Variants in WASF2 observed in about 807,000 individuals in gnomAD.
WASF2 encodes WASP family member 2.
A neutral mutation model predicts 45.0 loss-of-function variants in WASF2; 14 were observed. The ratio of observed to expected loss-of-function variants is 0.31; its 90% CI spans 0.21 to 0.49. The LOEUF is 0.49. WASF2 is among the 20% of genes least tolerant of loss of function. The pLI, the probability that WASF2 is intolerant of heterozygous loss-of-function variation, is 0.99. For synonymous variants in WASF2, 200 were observed against 236.3 expected (o/e 0.85, Z 1.41); for missense variants, 439 against 636.1 (o/e 0.69, Z 3.33).
At chr1:27,487,873 T>G (rs2017968864) in intron 1 of WASF2, among the ~76,000 whole-genome samples, 1 of 148,968 alleles carries the variant, frequency 6.7e-6, no homozygotes, top group African/African-American at 2.5e-5. Flanking sequence ...AATAATTTAC[T>G]CAATAAAATG....
chr1:27,421,844 C>T lies in WASF2; in HGVS notation c.131-2756G>A, dbSNP rs184006021. ...AAAAAAAATTAGCTGGGCGTGGTGG[C>T]GGACACCTGTAATCCCAGCTACTCA... On this transcript the variant is annotated intron_variant, in intron 2 of 8. Transcript: ENST00000618852. Among the ~76,000 whole-genome samples the T allele has an allele frequency of 5.2e-3, 795 of 151,748 alleles. 3 individuals carry two copies. Among genetic ancestry groups the T allele is most frequent in the Admixed American group, 0.013 (202 of 15,230 alleles).
At chr1:27,444,446 GTAGGTA>G (rs1482378297) in intron 1 of WASF2, among the ~76,000 whole-genome samples, 1 of 152,226 alleles carries the variant, frequency 6.6e-6, no homozygotes, top group Admixed American at 6.5e-5. Flanking sequence ...CCAGCACCCA[GTAGGTA>G]TTCAGTAACT....
chr1:27,484,536 G>A (rs957176325), intron 1 of WASF2, among the ~76,000 whole-genome samples: 10 of 152,146 alleles, frequency 6.6e-5, no homozygotes, highest in East Asian at 1.9e-4. Flanking sequence ...GGCCGGGCGC[G>A]GTGGTTCATG....
At chr1:27,477,426 G>A (rs1046361138) in intron 1 of WASF2, among the ~76,000 whole-genome samples, 2 of 152,088 alleles carry the variant, frequency 1.3e-5, no homozygotes, top group Non-Finnish European at 2.9e-5. Flanking sequence ...TACAATCCCA[G>A]CTACTCGATA....
At chr1:27,486,963 GAT>G (rs1408425863) in intron 1 of WASF2, among the ~76,000 whole-genome samples, 1 of 146,030 alleles carries the variant, frequency 6.8e-6, no homozygotes, top group African/African-American at 2.5e-5. Flanking sequence ...CATTATAGAT[GAT>G]ATATATTATA....
chr1:27,444,112 G>A (rs2017282468), intron 1 of WASF2, among the ~76,000 whole-genome samples: 2 of 152,088 alleles, frequency 1.3e-5, no homozygotes, highest in African/African-American at 2.4e-5. Context: ...ACAGGGTCTG[G>A]CTCAGTCACT....
intron 1 of WASF2, among the ~76,000 whole-genome samples, chr1:27,437,626 C>T (rs938491840): frequency 2.0e-4 from 31 of 152,256 alleles, no homozygotes; most frequent in African/African-American, 5.3e-4. Context: ...TTTACTTTCC[C>T]AATCTAATGC....
intron 1 of WASF2, among the ~76,000 whole-genome samples, chr1:27,441,475 C>T (rs1401664377): frequency 3.6e-5 from 5 of 140,662 alleles, no homozygotes; most frequent in Admixed American, 1.4e-4. Flanking sequence ...TAAAAATGGC[C>T]GGGCGCGGTG....
intron 1 of WASF2, among the ~76,000 whole-genome samples, chr1:27,442,304 G>C (rs1229699240): frequency 1.3e-5 from 2 of 152,162 alleles, no homozygotes; most frequent in African/African-American, 4.8e-5. Context: ...TCAGGACTTT[G>C]GGAGGCCGAG....
chr1:27,408,152 A>C lies in WASF2; in HGVS notation c.*37T>G. On this transcript the variant is annotated 3_prime_UTR_variant, in exon 9 of 9. Transcript: ENST00000618852. The stretch of plus-strand genomic sequence containing the variant: ...TTGGCATCAAAGAAGGCAGGTAGGA[A>C]GGAAAGAAAAAGAAGGTGGGCAGCA... The C allele has an allele frequency of 6.3e-7, 1 of 1,598,028 alleles. No individual in the cohort carries two copies. The highest frequency in any genetic ancestry group is 1.1e-5 in the South Asian group (1 of 89,432).
At chr1:27,446,067 CTTT>C (rs1438546993) in intron 1 of WASF2, among the ~76,000 whole-genome samples, 1 of 151,874 alleles carries the variant, frequency 6.6e-6, no homozygotes, top group Non-Finnish European at 1.5e-5. Context: ...AAAGATAAGT[CTTT>C]TTTAATTATT....
intron 1 of WASF2, among the ~76,000 whole-genome samples, chr1:27,489,580 G>C (rs1228870114): frequency 6.6e-6 from 1 of 152,154 alleles, no homozygotes; most frequent in African/African-American, 2.4e-5. Context: ...GGAAGAACTT[G>C]TCCAAGATCT....
intron 1 of WASF2, among the ~76,000 whole-genome samples, chr1:27,450,680 G>GT (rs2017373043): frequency 6.6e-6 from 1 of 151,928 alleles, no homozygotes; most frequent in Non-Finnish European, 1.5e-5. Flanking sequence ...TGTATTTTTA[G>GT]TACAGACGGG....
chr1:27,463,989 TG>T lies in WASF2; in HGVS notation c.-44+25996del, dbSNP rs2017583345. Among the ~76,000 whole-genome samples, 3 of 151,686 alleles carry T rather than the reference TG, an allele frequency of 2.0e-5. No individual in the cohort carries two copies. The South Asian group carries it at 6.2e-4, about 32-fold the overall frequency. On this transcript the variant is annotated intron_variant, in intron 1 of 8. Transcript: ENST00000618852. ...TTTCTCCATGTTGGTCAGGCTGGTC[TG>T]GAACTCCTGACCTCAGGTGATCCGC...
At position 27,408,240 on chromosome 1, in the gene WASF2, A is replaced by C; in HGVS notation, c.1446T>G (p.Ser482Arg). 1 of 1,614,176 alleles carries C rather than the reference A, an allele frequency of 6.2e-7. No homozygotes were observed. The highest frequency in any genetic ancestry group is 8.5e-7 in the Non-Finnish European group (1 of 1,180,034). ...ATTCAGAGGAGTCATCTTCTGAGTC[A>C]CTGTACTCAACAGCAATGCGACGAG... ...ILSRRIAVEY[S>R]DSEDDSSEFD... The change falls in exon 9 of 9, where the codon AGT (serine) becomes AGG (arginine). Residue 482 changes from serine to arginine, a missense_variant. Physicochemically the swap from Ser to Arg is moderately radical, Grantham distance 110. Around this residue, in one of 5 missense-constraint regions of WASF2, gnomAD observed 286 missense variants for 373.5 expected, o/e 0.77. Transcript: ENST00000618852.
intron 1 of WASF2, among the ~76,000 whole-genome samples, chr1:27,470,944 A>G (rs1353594018): frequency 6.6e-6 from 1 of 152,190 alleles, no homozygotes; most frequent in Non-Finnish European, 1.5e-5. Flanking sequence ...CTGGAGGTGC[A>G]AGTAGGATAT....
At chr1:27,437,119 C>A (rs1410426363) in intron 1 of WASF2, among the ~76,000 whole-genome samples, 1 of 152,128 alleles carries the variant, frequency 6.6e-6, no homozygotes, top group African/African-American at 2.4e-5. Flanking sequence ...GGCAATAGCA[C>A]CTTTTGTTCT....
intron 1 of WASF2, among the ~76,000 whole-genome samples, chr1:27,476,755 C>A (rs755755862): frequency 1.1e-4 from 17 of 152,096 alleles, no homozygotes; most frequent in Non-Finnish European, 2.1e-4. Flanking sequence ...AAATGTACCA[C>A]AATTAACATT....
intron 4 of WASF2, 135 bp from the exon 5 acceptor site, chr1:27,416,237 C>T: frequency 1.4e-6 from 1 of 721,898 alleles, no homozygotes. Flanking sequence ...TTGCATACCT[C>T]CTCTCCCATA....
Sources: allele counts gnomAD v4.1 joint callset (sites outside exome capture counted in the v4.1 genomes callset), GRCh38; gene constraint gnomAD v4.1.1; regional missense constraint gnomAD v4.1.1; transcripts MANE v1.5; gene names NCBI Gene and HGNC (gene_info 2026-07-23, HGNC 2026-07-21).